The following NACC2 variants were observed in gnomAD, a reference collection of about 807,000 sequenced individuals.
The protein encoded by NACC2 is nucleus accumbens-associated protein 2.
A neutral mutation model predicts 25.1 loss-of-function variants in NACC2; 8 were observed. The ratio of observed to expected loss-of-function variants is 0.32; its 90% CI spans 0.19 to 0.57. NACC2 has a LOEUF of 0.57. NACC2 is among the 20% of genes least tolerant of loss of function. NACC2 has a pLI of 0.89. For synonymous variants in NACC2, 435 were observed against 294.7 expected (o/e 1.48, Z -4.88); for missense variants, 644 against 650.2 (o/e 0.99, Z 0.10).
chr9:136,052,882 C>G (rs1840868380), intron 1 of NACC2, among the ~76,000 whole-genome samples: 1 of 152,222 alleles, frequency 6.6e-6, no homozygotes, highest in East Asian at 1.9e-4. Context: ...TTGTGGTGGC[C>G]CCGGGACCCC....
intron 2 of NACC2, among the ~76,000 whole-genome samples, chr9:136,041,024 GGAAA>G (rs1840619862): frequency 1.4e-4 from 20 of 146,774 alleles, no homozygotes; most frequent in South Asian, 8.6e-4. Context: ...GGAAAGGAAA[GGAAA>G]GAAGGAAAGA....
chr9:136,067,330 T>G, intron 1 of NACC2, among the ~76,000 whole-genome samples: 1 of 148,032 alleles, frequency 6.8e-6, no homozygotes. Context: ...GGGGGAGGGA[T>G]GGGGAAATGA....
At chr9:136,031,703 T>C (rs927735877) in intron 2 of NACC2, among the ~76,000 whole-genome samples, 1 of 152,132 alleles carries the variant, frequency 6.6e-6, no homozygotes, top group African/African-American at 2.4e-5. Flanking sequence ...TAAAGCAAAA[T>C]TAGAGGGCAA....
chr9:136,024,039 G>C (rs867982445), intron 2 of NACC2, among the ~76,000 whole-genome samples: 5 of 152,200 alleles, frequency 3.3e-5, no homozygotes, highest in African/African-American at 1.2e-4. Flanking sequence ...CTGGGAGACA[G>C]AGTGTGTGGG....
At chr9:136,051,680 G>A (rs1435496558) in intron 1 of NACC2, among the ~76,000 whole-genome samples, 1 of 152,094 alleles carries the variant, frequency 6.6e-6, no homozygotes, top group Non-Finnish European at 1.5e-5. Context: ...GCCGGGGGCG[G>A]CCCGCAGTGC....
At position 136,019,194 on chromosome 9, in the gene NACC2, C is replaced by T. The variant is rs1375188986; in HGVS notation, c.887-2765G>A. 1 of 152,296 alleles carries T rather than the reference C, an allele frequency of 6.6e-6. No homozygotes were observed. Among genetic ancestry groups the T allele is most frequent in the African/African-American group, 2.4e-5 (1 of 41,474 alleles). The allele number at this position is 152,296 out of a possible 1,614,324, so 9.4% of individuals were successfully genotyped here. A position where few individuals can be genotyped will look rare whatever the true frequency, so the allele number is the denominator to read the frequency against. On this transcript the variant is annotated intron_variant, in intron 2 of 5. Transcript: ENST00000277554. The surrounding 1 kb of genome is among the most constrained non-coding windows in gnomAD (Gnocchi z 5.2). ...CTCTGCAGGAGCTGAGCTTCAAGGT[C>T]CAGGCTACAACTGGGCTTTAACGGA...
At chr9:136,087,906 C>T (rs1830395199) in intron 1 of NACC2, among the ~76,000 whole-genome samples, 1 of 152,154 alleles carries the variant, frequency 6.6e-6, no homozygotes, top group African/African-American at 2.4e-5. Context: ...CAAGGCCGGC[C>T]GTGGCCCAGG....
Position 136,011,323 on chromosome 9 carries a change from G to T in NACC2, c.*193C>A. 1 of 573,508 alleles carries T rather than the reference G, an allele frequency of 1.7e-6. No homozygotes were observed. The highest frequency in any genetic ancestry group is 2.6e-6 in the Non-Finnish European group (1 of 389,474). The allele number at this position is 573,508 out of a possible 1,614,324, so 35.5% of individuals were successfully genotyped here. ...ACTTCCTCGCAGGAGGCTGCCAGTG[G>T]CCTAATTGTTTACAGTATAATGAAT... is the stretch of plus-strand genomic sequence containing the variant. On this transcript the variant is annotated 3_prime_UTR_variant, in exon 6 of 6. Transcript: ENST00000277554.
chr9:136,055,789 G>C lies in NACC2; in HGVS notation c.-59-5209C>G, dbSNP rs1588574091. Among the ~76,000 whole-genome samples the C allele has an allele frequency of 6.6e-6, 1 of 152,218 alleles. No individual in the cohort carries two copies. Among genetic ancestry groups the C allele is most frequent in the Non-Finnish European group, 1.5e-5 (1 of 68,038 alleles). On this transcript the variant is annotated intron_variant, in intron 1 of 5. Coordinates refer to ENST00000277554, the MANE Select transcript of NACC2 (RefSeq NM_144653.5). This position sits in a 1 kb window ranked among gnomAD's most constrained non-coding sequence, Gnocchi z 4.9. ...CACGGGAAACGTTCTGCGGAGGGGAGAGTCCCTCTACCCCGAGCCCCGGCC... is the reference window on the plus strand; with the variant it reads ...CACGGGAAACGTTCTGCGGAGGGGACAGTCCCTCTACCCCGAGCCCCGGCC...
At chr9:136,058,450 G>A (rs1840961336) in intron 1 of NACC2, among the ~76,000 whole-genome samples, 1 of 152,234 alleles carries the variant, frequency 6.6e-6, no homozygotes, top group Non-Finnish European at 1.5e-5. Flanking sequence ...AGGCTCCCCA[G>A]GGCCCTGGCC....
chr9:136,061,376 G>C (rs1255288028), intron 1 of NACC2, among the ~76,000 whole-genome samples: 1 of 152,132 alleles, frequency 6.6e-6, no homozygotes, highest in Non-Finnish European at 1.5e-5. Flanking sequence ...CCCTCAGATA[G>C]AGGGGTCCCC....
intron 3 of NACC2, among the ~76,000 whole-genome samples, chr9:136,014,384 A>G (rs535075517): frequency 6.6e-6 from 1 of 152,092 alleles, no homozygotes; most frequent in East Asian, 1.9e-4. Flanking sequence ...GGCTCACTGT[A>G]GCCTCGACCT....
intron 1 of NACC2, among the ~76,000 whole-genome samples, chr9:136,078,181 C>A (rs1830282949): frequency 1.3e-5 from 2 of 152,206 alleles, no homozygotes; most frequent in Non-Finnish European, 2.9e-5. Context: ...CCCACTCAAA[C>A]CCTCATCCCC....
chr9:136,040,180 C>T (rs1246617533), intron 2 of NACC2, among the ~76,000 whole-genome samples: 7 of 151,948 alleles, frequency 4.6e-5, no homozygotes, highest in Admixed American at 2.6e-4. Context: ...CCTGTCTCTA[C>T]TAAAAATACA....
intron 2 of NACC2, among the ~76,000 whole-genome samples, chr9:136,030,566 C>T (rs559266771): frequency 1.3e-4 from 20 of 151,582 alleles, no homozygotes; most frequent in Non-Finnish European, 2.2e-4. Context: ...GCCGAGACTG[C>T]GCCACTGCAC....
intron 2 of NACC2, among the ~76,000 whole-genome samples, chr9:136,034,890 T>G (rs1185734783): frequency 6.6e-6 from 1 of 152,094 alleles, no homozygotes; most frequent in East Asian, 1.9e-4. Context: ...GGTCAGGAGT[T>G]TAGGATCAGC....
intron 1 of NACC2, among the ~76,000 whole-genome samples, chr9:136,051,318 C>G (rs1164649278): frequency 6.6e-6 from 1 of 152,196 alleles, no homozygotes; most frequent in Non-Finnish European, 1.5e-5. Flanking sequence ...GCCGCCAGGG[C>G]AGGAGTTGGG....
chr9:136,042,522 G>C (rs1187740951), intron 2 of NACC2, among the ~76,000 whole-genome samples: 2 of 152,140 alleles, frequency 1.3e-5, no homozygotes, highest in African/African-American at 2.4e-5. Context: ...GTCCACAGGG[G>C]AAGGAAATGA....
At chr9:136,041,667 A>G (rs1341436960) in intron 2 of NACC2, among the ~76,000 whole-genome samples, 1 of 152,170 alleles carries the variant, frequency 6.6e-6, no homozygotes, top group Non-Finnish European at 1.5e-5. Context: ...AAATATTCCA[A>G]AATTGATTGT....
Sources: gnomAD v4.1 joint callset for allele counts (sites outside exome capture counted in the v4.1 genomes callset) on GRCh38, gnomAD v4.1.1 for gene constraint, Gnocchi (gnomAD v3.1) non-coding constraint, MANE v1.5 for transcripts, NCBI Gene and HGNC (gene_info 2026-07-23, HGNC 2026-07-21) for gene names.